MRAP2: variants seen among roughly 807,000 people sequenced by gnomAD.
MRAP2 encodes melanocortin 2 receptor accessory protein 2.
MRAP2 carries 20 observed loss-of-function variants against 17.4 expected under a neutral mutation model. The observed-to-expected ratio is 1.15, with a 90% CI of 0.81 to 1.67. The LOEUF (loss-of-function observed/expected upper bound fraction) is 1.67, where lower values mean the gene tolerates loss of function less well. Among genes scored for constraint, MRAP2 ranks in the 40% most tolerant of loss-of-function variants. The pLI is 0.00. For synonymous variants in MRAP2, 96 were observed against 88.4 expected, an observed-to-expected ratio of 1.09 and a Z score of -0.48; for missense variants, 238 against 240.0, an observed-to-expected ratio of 0.99 and a Z score of 0.05.
chr6:84,042,185 C>T (rs113987590), intron 1 of MRAP2, among the ~76,000 whole-genome samples: 44 of 152,260 alleles, frequency 2.9e-4, no homozygotes, highest in African/African-American at 9.4e-4. Context: ...TTCTTGCTGC[C>T]GCCATGTGAA....
At chr6:84,046,582 T>G (rs1449067569) in intron 1 of MRAP2, among the ~76,000 whole-genome samples, 1 of 151,732 alleles carries the variant, frequency 6.6e-6, no homozygotes, top group Non-Finnish European at 1.5e-5. Flanking sequence ...GAGATGGAGA[T>G]CATCCTGGCT....
intron 1 of MRAP2, among the ~76,000 whole-genome samples, 166 bp downstream of exon 1, chr6:84,034,049 C>T (rs540395556): frequency 6.6e-6 from 1 of 152,178 alleles, no homozygotes; most frequent in South Asian, 2.1e-4. Flanking sequence ...GGTGTGAGGA[C>T]GCCCACGGGA....
chr6:84,125,649 T>C, the MRAP2 span, among the ~76,000 whole-genome samples: 1 of 152,016 alleles, frequency 6.6e-6, no homozygotes, highest in African/African-American at 2.4e-5. Context: ...AAGTGATCTC[T>C]CGCCCCTCTT....
At chr6:84,043,816 A>C (rs951883597) in intron 1 of MRAP2, among the ~76,000 whole-genome samples, 1 of 152,206 alleles carries the variant, frequency 6.6e-6, no homozygotes, top group African/African-American at 2.4e-5. Flanking sequence ...GTTAAGTAAC[A>C]GTGTTTAAAA....
At chr6:84,046,474 G>A (rs1014856313) in intron 1 of MRAP2, among the ~76,000 whole-genome samples, 3 of 152,022 alleles carry the variant, frequency 2.0e-5, no homozygotes, top group African/African-American at 7.2e-5. Context: ...TACAACAGAA[G>A]GTAAAGCTTA....
intron 1 of MRAP2, among the ~76,000 whole-genome samples, chr6:84,040,479 C>T (rs1250513078): frequency 6.6e-6 from 1 of 152,108 alleles, no homozygotes; most frequent in Non-Finnish European, 1.5e-5. Flanking sequence ...GTTTGGAAGG[C>T]TCAGAAGAAG....
chr6:84,120,622 T>C, the MRAP2 span, among the ~76,000 whole-genome samples: 1 of 152,156 alleles, frequency 6.6e-6, no homozygotes, highest in Admixed American at 6.6e-5. Flanking sequence ...AAATAGAATA[T>C]AGAATCGTCA....
chr6:84,129,606 G>A, the MRAP2 span, among the ~76,000 whole-genome samples: 1 of 152,044 alleles, frequency 6.6e-6, no homozygotes, highest in East Asian at 1.9e-4. Flanking sequence ...TGGATAGATT[G>A]CAAAAATTTT....
At chr6:84,119,980 T>C in the MRAP2 span, among the ~76,000 whole-genome samples, 1 of 152,148 alleles carries the variant, frequency 6.6e-6, no homozygotes, top group Non-Finnish European at 1.5e-5. Context: ...TGGGAATTGG[T>C]TGACACATGA....
intron 3 of MRAP2, among the ~76,000 whole-genome samples, chr6:84,066,004 AAC>A (rs10684117): frequency 0.039 from 5,492 of 141,508 alleles, 146 homozygotes; most frequent in African/African-American, 0.076. Flanking sequence ...TCTCTTTATA[AAC>A]ACACACACAC....
the MRAP2 span, among the ~76,000 whole-genome samples, chr6:84,100,893 G>C: frequency 6.6e-6 from 1 of 152,116 alleles, no homozygotes; most frequent in Non-Finnish European, 1.5e-5. Context: ...ACCTGCAGAA[G>C]ACATGTAGCT....
rs1010591578 is a variant in MRAP2, at chr6:84,089,825, C to G, written c.*344C>G. On this transcript the variant is annotated 3_prime_UTR_variant, in exon 4 of 4. Transcript: ENST00000257776. ...AACATGAGTTTTGTTTTTTTTTTTG[C>G]TATTTTTTTTAAAGCTCGTCAGCTA... 27 of 203,806 alleles carry G rather than the reference C, an allele frequency of 1.3e-4. No individual in the cohort carries two copies. The highest frequency in any genetic ancestry group is 1.3e-3 in the Admixed American group (24 of 18,676). 12.6% of individuals were successfully genotyped at this position (203,806 alleles called of 1,614,324 possible). A position where few individuals can be genotyped will look rare whatever the true frequency, so the allele number is the denominator to read the frequency against.
intron 1 of MRAP2, among the ~76,000 whole-genome samples, chr6:84,049,896 C>A (rs2099489975): frequency 6.6e-6 from 1 of 152,060 alleles, no homozygotes; most frequent in Non-Finnish European, 1.5e-5. Context: ...CTAGGATACA[C>A]TAGAGAATGG....
chr6:84,078,079 G>T (rs775928476), intron 3 of MRAP2, among the ~76,000 whole-genome samples: 5 of 152,198 alleles, frequency 3.3e-5, no homozygotes, highest in Admixed American at 6.5e-5. Context: ...CATGATGTTA[G>T]GGTAGGCAAT....
At chr6:84,102,468 C>G in the MRAP2 span, among the ~76,000 whole-genome samples, 14 of 152,218 alleles carry the variant, frequency 9.2e-5, no homozygotes, top group Non-Finnish European at 1.8e-4. Flanking sequence ...AAGGGAGGCA[C>G]AAGCCAAGGA....
At chr6:84,126,104 A>G in the MRAP2 span, among the ~76,000 whole-genome samples, 38 of 152,260 alleles carry the variant, frequency 2.5e-4, no homozygotes, top group African/African-American at 6.5e-4. Flanking sequence ...TTCCCAGGGT[A>G]AGATGTGTAA....
the MRAP2 span, among the ~76,000 whole-genome samples, chr6:84,097,834 G>C: frequency 6.6e-6 from 1 of 152,040 alleles, no homozygotes. Flanking sequence ...TACAACATGG[G>C]AAATTATCTT....
In MRAP2 at chr6:84,090,531, C is replaced by G. The variant is rs2099501583; in HGVS notation, c.*1050C>G. 6.6e-6 allele frequency: 1 copy of G among 152,190 alleles called. No homozygotes were observed. Among genetic ancestry groups the G allele is most frequent in the South Asian group, 2.1e-4 (1 of 4,822 alleles). The allele number at this position is 152,190 out of a possible 1,614,324, so 9.4% of individuals were successfully genotyped here. On this transcript the variant is annotated 3_prime_UTR_variant, in exon 4 of 4. Coordinates refer to ENST00000257776, the MANE Select transcript of MRAP2 (RefSeq NM_138409.4). ...GAGAGGAGGTGCCTTCTGGGTATCT[C>G]TGTGTTGGTGTATCTGTGCCATTGG...
intron 3 of MRAP2, among the ~76,000 whole-genome samples, chr6:84,073,087 A>G (rs1474385644): frequency 6.6e-6 from 1 of 152,132 alleles, no homozygotes; most frequent in East Asian, 1.9e-4. Context: ...AATTCTGGCC[A>G]GGAGGCTTCT....
Sources: allele counts gnomAD v4.1 joint callset (sites outside exome capture counted in the v4.1 genomes callset), GRCh38; gene constraint gnomAD v4.1.1; transcripts MANE v1.5; gene names NCBI Gene and HGNC (gene_info 2026-07-23, HGNC 2026-07-21).